Variants in THSD7A observed in about 807,000 individuals in gnomAD.
The protein encoded by THSD7A is thrombospondin type-1 domain-containing protein 7A.
In THSD7A, 96 loss-of-function variants were observed where a neutral mutation model predicts 231.3. That is an observed-to-expected ratio of 0.41 (90% CI 0.35 to 0.49). The LOEUF is 0.49. Among genes scored for constraint, THSD7A ranks in the 20% least tolerant of loss-of-function variants. The pLI is 0.05. For missense variants in THSD7A, 2,290 were observed against 2,070.2 expected, an observed-to-expected ratio of 1.11 and a Z score of -2.06; for synonymous variants, 940 against 743.3, an observed-to-expected ratio of 1.26 and a Z score of -4.30.
intron 1 of THSD7A, among the ~76,000 whole-genome samples, chr7:11,762,165 G>T (rs1260931000): frequency 6.6e-6 from 1 of 152,002 alleles, no homozygotes; most frequent in Non-Finnish European, 1.5e-5. Context: ...AGACACTTAG[G>T]TTCCCTAACT....
intron 7 of THSD7A, among the ~76,000 whole-genome samples, chr7:11,479,207 C>T (rs953263534): frequency 1.8e-4 from 28 of 152,188 alleles, no homozygotes; most frequent in African/African-American, 6.0e-4. Flanking sequence ...CTGTCCATTA[C>T]TGAAGCACAA....
chr7:11,719,652 A>G (rs545609482), intron 1 of THSD7A, among the ~76,000 whole-genome samples: 38 of 151,684 alleles, frequency 2.5e-4, no homozygotes, highest in African/African-American at 8.2e-4. Flanking sequence ...ACTCCACTCC[A>G]GTCATTAGAA....
At chr7:11,397,755 C>T (rs1783243117) in intron 23 of THSD7A, among the ~76,000 whole-genome samples, 1 of 152,186 alleles carries the variant, frequency 6.6e-6, no homozygotes, top group Non-Finnish European at 1.5e-5. Context: ...TATGAACAGA[C>T]ACTTCTGAAA....
Position 11,780,997 on chromosome 7 carries a change from C to CAAAAAAAAA in THSD7A, c.190+50751_190+50759dup, listed in dbSNP as rs58931693. 7.4e-3 allele frequency among the ~76,000 whole-genome samples: 256 copies of CAAAAAAAAA among 34,450 alleles called. 42 individuals are homozygous for CAAAAAAAAA. The highest frequency in any genetic ancestry group is 0.033 in the Middle Eastern group (1 of 30). The allele number at this position is 34,450 out of a possible 152,430, so 22.6% of individuals were successfully genotyped here. The stretch of plus-strand genomic sequence containing the variant: ...TGGGCGACAGAGCGAGACTCCGTCT[C>CAAAAAAAAA]AAAAAAAAAAAAAAAAAAAAAAAAA... On this transcript the variant is annotated intron_variant, in intron 1 of 27. Transcript: ENST00000423059.
At chr7:11,820,843 A>G (rs1283036957) in intron 1 of THSD7A, 2 of 961,088 alleles carry the variant, frequency 2.1e-6, no homozygotes. Context: ...TTGATCCTTT[A>G]TAAGTTTTCT....
intron 1 of THSD7A, among the ~76,000 whole-genome samples, chr7:11,723,924 C>A (rs75479983): frequency 0.14 from 20,913 of 151,846 alleles, 1,881 homozygotes; most frequent in South Asian, 0.21. Context: ...AAGTGGGAAG[C>A]TACTGGATGG....
At chr7:11,471,129 TATA>T (rs1181424111) in intron 8 of THSD7A, among the ~76,000 whole-genome samples, 3 of 151,906 alleles carry the variant, frequency 2.0e-5, no homozygotes, top group Non-Finnish European at 2.9e-5. Context: ...AAAAGTAAAA[TATA>T]ATAATATCAT....
At position 11,412,637 on chromosome 7, in the gene THSD7A, C is replaced by G; in HGVS notation, c.3682+19G>C. 6.2e-7 allele frequency: 1 copy of G among 1,613,072 alleles called. No individual in the cohort carries two copies. Among genetic ancestry groups the G allele is most frequent in the Non-Finnish European group, 8.5e-7 (1 of 1,179,384 alleles). On this transcript the variant is annotated intron_variant, in intron 18 of 27. Transcript: ENST00000423059. Reference sequence around the variant, plus strand: ...CAGGATTTGGACTTAACTCCGTGATCAGATGATGATCCATGTACCTGTTAC... The same window carrying G: ...CAGGATTTGGACTTAACTCCGTGATGAGATGATGATCCATGTACCTGTTAC...
intron 6 of THSD7A, among the ~76,000 whole-genome samples, chr7:11,536,101 C>T (rs1032857954): frequency 1.3e-5 from 2 of 152,124 alleles, no homozygotes; most frequent in African/African-American, 4.8e-5. Flanking sequence ...ACTTGGGAGT[C>T]TTCAGGTTTT....
intron 2 of THSD7A, among the ~76,000 whole-genome samples, chr7:11,596,598 A>G (rs1408970457): frequency 6.6e-6 from 1 of 152,186 alleles, no homozygotes; most frequent in Non-Finnish European, 1.5e-5. Flanking sequence ...TATTAAATCA[A>G]AAACAATATC....
At chr7:11,764,696 T>C (rs74601937) in intron 1 of THSD7A, among the ~76,000 whole-genome samples, 11 of 152,210 alleles carry the variant, frequency 7.2e-5, no homozygotes, top group African/African-American at 2.2e-4. Flanking sequence ...TTATCATAAT[T>C]TTTAGTAATT....
chr7:11,407,121 GGGAGAA>G, intron 20 of THSD7A, 66 bp from the exon 21 acceptor site: 1 of 1,574,898 alleles, frequency 6.3e-7, no homozygotes, highest in Non-Finnish European at 8.7e-7. Context: ...ATATCTCATT[GGGAGAA>G]GGCATCACAG....
At chr7:11,487,825 C>T (rs1398053152) in intron 6 of THSD7A, among the ~76,000 whole-genome samples, 1 of 152,130 alleles carries the variant, frequency 6.6e-6, no homozygotes, top group African/African-American at 2.4e-5. Flanking sequence ...TGGCCCCACC[C>T]TTGACACGTG....
At chr7:11,424,902 C>A in intron 15 of THSD7A, 73 bp from the exon 16 acceptor site, 1 of 1,562,998 alleles carries the variant, frequency 6.4e-7, no homozygotes, top group South Asian at 1.2e-5. Context: ...CACACCATAA[C>A]AGCAATCATT....
chr7:11,489,389 A>G (rs1222358010), intron 6 of THSD7A, among the ~76,000 whole-genome samples: 1 of 152,026 alleles, frequency 6.6e-6, no homozygotes, highest in Admixed American at 6.6e-5. Context: ...TAAAGGACTT[A>G]TTTTAGGAAA....
chr7:11,485,813 A>G (rs1441978098), intron 6 of THSD7A, among the ~76,000 whole-genome samples: 2 of 152,216 alleles, frequency 1.3e-5, no homozygotes, highest in Non-Finnish European at 2.9e-5. Flanking sequence ...CCAGCCACAC[A>G]GTGCTTCAAA....
At chr7:11,789,305 T>C (rs1403854111) in intron 1 of THSD7A, among the ~76,000 whole-genome samples, 2 of 152,036 alleles carry the variant, frequency 1.3e-5, no homozygotes, top group Non-Finnish European at 2.9e-5. Context: ...GTTATGCTTT[T>C]ATTATGCTTT....
rs75037142 is a variant in THSD7A, at chr7:11,640,315, A to G, written c.191-3354T>C. 2.6e-5 allele frequency among the ~76,000 whole-genome samples: 4 copies of G among 152,318 alleles called. No individual in the cohort carries two copies. In the East Asian group the frequency reaches 7.7e-4, roughly 29 times the overall value. On this transcript the variant is annotated intron_variant, in intron 1 of 27. Coordinates refer to ENST00000423059, the MANE Select transcript of THSD7A (RefSeq NM_015204.3). The stretch of plus-strand genomic sequence containing the variant: ...TCAAGAAAATACTTCCAATCAATTT[A>G]TGATTCAACAGATGCCATTTGCATA...
intron 4 of THSD7A, among the ~76,000 whole-genome samples, chr7:11,586,755 AG>A (rs1320360188): frequency 1.3e-5 from 2 of 152,148 alleles, no homozygotes; most frequent in Admixed American, 6.6e-5. Context: ...GTTGAGCATG[AG>A]GAAATGCGAG....
Sources: gnomAD v4.1 joint callset for allele counts (sites outside exome capture counted in the v4.1 genomes callset) on GRCh38, gnomAD v4.1.1 for gene constraint, MANE v1.5 for transcripts, NCBI Gene and HGNC (gene_info 2026-07-23, HGNC 2026-07-21) for gene names.